The following ADAM32 variants were observed in gnomAD, a reference collection of about 807,000 sequenced individuals.
The protein encoded by ADAM32 is disintegrin and metalloproteinase domain-containing protein 32.
A neutral mutation model predicts 114.9 loss-of-function variants in ADAM32; 89 were observed. The ratio of observed to expected loss-of-function variants is 0.77; its 90% CI spans 0.65 to 0.92. The LOEUF is 0.92. Among genes scored for constraint, ADAM32 ranks in the 40% least tolerant of loss-of-function variants. The probability of loss-of-function intolerance (pLI) is 0.00; values close to 1 mark genes in which losing one functional copy is unlikely to be tolerated. For synonymous variants in ADAM32, 285 were observed against 307.5 expected (o/e 0.93, Z 0.77); for missense variants, 870 against 932.8 (o/e 0.93, Z 0.88).
chr8:39,199,182 C>G (rs1380821108), intron 11 of ADAM32, among the ~76,000 whole-genome samples: 1 of 152,138 alleles, frequency 6.6e-6, no homozygotes, highest in Non-Finnish European at 1.5e-5. Context: ...CTATACGTGC[C>G]TTGAACAAGA....
At chr8:39,206,461 C>T (rs1807840565) in intron 11 of ADAM32, among the ~76,000 whole-genome samples, 1 of 152,178 alleles carries the variant, frequency 6.6e-6, no homozygotes, top group Non-Finnish European at 1.5e-5. Context: ...GCAGGTGGGG[C>T]AAGCTTGTCC....
chr8:39,232,219 C>A, intron 15 of ADAM32, 84 bp downstream of exon 15: 1 of 1,119,226 alleles, frequency 8.9e-7, no homozygotes, highest in South Asian at 1.6e-5. Flanking sequence ...TCATTCATTC[C>A]AGTGGTTTAA....
intron 20 of ADAM32, among the ~76,000 whole-genome samples, chr8:39,272,628 A>G (rs77273701): frequency 0.22 from 32,904 of 152,146 alleles, 3,824 homozygotes; most frequent in East Asian, 0.29. Flanking sequence ...GGCACTTACA[A>G]TGAATGGAAC....
chr8:39,156,202 T>C (rs908185246), intron 6 of ADAM32, among the ~76,000 whole-genome samples: 5 of 152,276 alleles, frequency 3.3e-5, no homozygotes, highest in Admixed American at 2.6e-4. Context: ...AGTGTGGTGC[T>C]GGTGCTGTGA....
intron 24 of ADAM32, 116 bp downstream of exon 24, chr8:39,283,740 G>T: frequency 1.8e-5 from 11 of 616,106 alleles, no homozygotes; most frequent in South Asian, 3.1e-5. Flanking sequence ...GTAAAGTACT[G>T]CACCAATAAA....
chr8:39,245,461 T>TA (rs1438971359), intron 16 of ADAM32, among the ~76,000 whole-genome samples: 1 of 151,982 alleles, frequency 6.6e-6, no homozygotes, highest in East Asian at 1.9e-4. Flanking sequence ...AAATAAAAAT[T>TA]AAAAAAAGAA....
chr8:39,113,980 C>G (rs1840272100), intron 1 of ADAM32, among the ~76,000 whole-genome samples: 1 of 143,270 alleles, frequency 7.0e-6, no homozygotes, highest in East Asian at 2.2e-4. Context: ...TTCAACAAAT[C>G]AACACATTGG....
chr8:39,117,568 G>A lies in ADAM32; in HGVS notation c.59-518G>A, dbSNP rs143317201. ...TTCTTAAAGTTCTTTTTTAGACATT[G>A]TTCTTTAGTCTTTTAACATTAAATA... On this transcript the variant is annotated intron_variant, in intron 1 of 24. Transcript: ENST00000379907. Among the ~76,000 whole-genome samples, 615 of 151,366 alleles carry A rather than the reference G, an allele frequency of 4.1e-3. 6 individuals carry two copies. The highest frequency in any genetic ancestry group is 0.014 in the African/African-American group (588 of 41,284).
chr8:39,202,996 A>T (rs1225893441), intron 11 of ADAM32, among the ~76,000 whole-genome samples: 1 of 152,160 alleles, frequency 6.6e-6, no homozygotes, highest in Non-Finnish European at 1.5e-5. Context: ...AGTCTGAGAG[A>T]CAGTTTGTTA....
At position 39,147,120 on chromosome 8, in the gene ADAM32, T is replaced by C. The variant is rs1412110125; in HGVS notation, c.201-10T>C. ...ATAATTAAAAAAATTTCCTCTTTTT[T>C]TATATTCAGATATTTTTTAGCAGAT... On this transcript the variant is annotated splice_polypyrimidine_tract_variant and intron_variant, in intron 3 of 24. Transcript: ENST00000379907. 2.1e-6 allele frequency: 2 copies of C among 957,462 alleles called. No homozygotes were observed. Among genetic ancestry groups the C allele is most frequent in the South Asian group, 5.9e-5 (2 of 33,984 alleles). The allele number at this position is 957,462 out of a possible 1,614,324, so 59.3% of individuals were successfully genotyped here. A position where few individuals can be genotyped will look rare whatever the true frequency, so the allele number is the denominator to read the frequency against.
chr8:39,152,907 ATATT>A (rs1291833446), intron 6 of ADAM32, among the ~76,000 whole-genome samples: 1 of 152,220 alleles, frequency 6.6e-6, no homozygotes, highest in Non-Finnish European at 1.5e-5. Flanking sequence ...TCTGGCTTGA[ATATT>A]AAAAGGAGGG....
chr8:39,180,960 A>G (rs998764073), intron 10 of ADAM32, among the ~76,000 whole-genome samples: 1 of 152,128 alleles, frequency 6.6e-6, no homozygotes, highest in Non-Finnish European at 1.5e-5. Flanking sequence ...CTCTGTGTCT[A>G]ACTAATCTGA....
At chr8:39,178,568 T>C (rs185173562) in intron 10 of ADAM32, among the ~76,000 whole-genome samples, 32 of 152,312 alleles carry the variant, frequency 2.1e-4, no homozygotes, top group Non-Finnish European at 4.4e-5. Context: ...CTGGGAGATA[T>C]TGGGGTCATT....
At chr8:39,194,285 T>A (rs1754216487) in intron 11 of ADAM32, among the ~76,000 whole-genome samples, 1 of 152,150 alleles carries the variant, frequency 6.6e-6, no homozygotes, top group Non-Finnish European at 1.5e-5. Context: ...TTTACGCTGA[T>A]GTCAGTGTCA....
Position 39,158,169 on chromosome 8 carries a change from G to A in ADAM32, c.526-2728G>A. ...CCAGTTTCTCGGTCACAGTGCCTCT[G>A]TTCACCTGGATGTCCATTAGGTGGG... On this transcript the variant is annotated intron_variant, in intron 6 of 24. Coordinates refer to ENST00000379907, the MANE Select transcript of ADAM32 (RefSeq NM_145004.7). 1.1e-5 allele frequency: 2 copies of A among 184,324 alleles called. 1 individual carries two copies. The highest frequency in any genetic ancestry group is 2.3e-4 in the South Asian group (2 of 8,566). The allele number at this position is 184,324 out of a possible 1,614,324, so 11.4% of individuals were successfully genotyped here.
At position 39,244,862 on chromosome 8, in the gene ADAM32, G is replaced by T. The variant is rs190768229; in HGVS notation, c.1819-1221G>T. Among the ~76,000 whole-genome samples, 305 of 152,200 alleles carry T rather than the reference G, an allele frequency of 2.0e-3. 4 individuals carry two copies. The Middle Eastern group carries it at 0.024, about 12-fold the overall frequency. Reference sequence around the variant, plus strand: ...ACTTAAAGTATAATAAAAAAAAGATGTGTCGAAGACTTAAATATAACACCT... The same window carrying T: ...ACTTAAAGTATAATAAAAAAAAGATTTGTCGAAGACTTAAATATAACACCT... On this transcript the variant is annotated intron_variant, in intron 16 of 24. Coordinates refer to ENST00000379907, the MANE Select transcript of ADAM32 (RefSeq NM_145004.7).
intron 10 of ADAM32, among the ~76,000 whole-genome samples, chr8:39,175,927 C>T (rs1394028838): frequency 6.6e-6 from 1 of 152,028 alleles, no homozygotes; most frequent in Non-Finnish European, 1.5e-5. Flanking sequence ...GTTATGTGTC[C>T]AGGAATTTAT....
chr8:39,129,133 T>C (rs546401195), intron 2 of ADAM32, among the ~76,000 whole-genome samples: 35 of 151,784 alleles, frequency 2.3e-4, no homozygotes, highest in Non-Finnish European at 4.4e-4. Context: ...GTCTTTTTTT[T>C]TTTTTTGTGG....
intron 20 of ADAM32, among the ~76,000 whole-genome samples, chr8:39,273,538 A>G (rs1812877089): frequency 6.6e-6 from 1 of 151,986 alleles, no homozygotes; most frequent in Non-Finnish European, 1.5e-5. Flanking sequence ...AAAAACAAAC[A>G]AACAAACAAA....
Sources: allele counts gnomAD v4.1 joint callset (sites outside exome capture counted in the v4.1 genomes callset), GRCh38; gene constraint gnomAD v4.1.1; transcripts MANE v1.5; gene names NCBI Gene and HGNC (gene_info 2026-07-23, HGNC 2026-07-21).